The following BOC variants were observed in gnomAD, a reference collection of about 807,000 sequenced individuals.
BOC encodes the protein BOC cell adhesion associated, oncogene regulated.
A neutral mutation model predicts 112.0 loss-of-function variants in BOC; 76 were observed. The ratio of observed to expected loss-of-function variants is 0.68; its 90% CI spans 0.56 to 0.82. BOC has a LOEUF of 0.82. Ranked by LOEUF, BOC falls within the 40% of genes least tolerant of loss-of-function variation. The pLI is 0.00. For missense variants in BOC, 1,309 were observed against 1,511.7 expected, an observed-to-expected ratio of 0.87 and a Z score of 2.22; for synonymous variants, 580 against 599.8, an observed-to-expected ratio of 0.97 and a Z score of 0.48.
At chr3:113,217,500 C>T (rs1432174407) in intron 2 of BOC, among the ~76,000 whole-genome samples, 2 of 149,680 alleles carry the variant, frequency 1.3e-5, no homozygotes, top group Non-Finnish European at 3.0e-5. Flanking sequence ...GCACTCCAGC[C>T]TGGGTGACAG....
intron 7 of BOC, 144 bp from the exon 8 acceptor site, chr3:113,272,925 C>T (rs1031142654): frequency 1.2e-5 from 14 of 1,134,706 alleles, no homozygotes; most frequent in Middle Eastern, 3.0e-4. Context: ...AGACATCAGA[C>T]CTCTCCTTCC....
intron 14 of BOC, 84 bp downstream of exon 14, chr3:113,280,747 G>A (rs1287470355): frequency 1.7e-6 from 2 of 1,194,580 alleles, no homozygotes; most frequent in East Asian, 4.7e-5. Flanking sequence ...GTGAAATCTG[G>A]TGAAGCATAA....
intron 1 of BOC, among the ~76,000 whole-genome samples, chr3:113,214,437 G>C (rs571970785): frequency 1.3e-5 from 2 of 152,184 alleles, no homozygotes; most frequent in Non-Finnish European, 2.9e-5. Flanking sequence ...ATAGTGTTCC[G>C]TGTCCCCTAG....
Position 113,274,113 on chromosome 3 carries a change from G to T in BOC, c.1235-262G>T, listed in dbSNP as rs562165716. Reference sequence around the variant, plus strand: ...GTTCACTGGAGATGCACCTCACGTGGATTCAGGAGTTTGCTTGCCATACCC... The same window carrying T: ...GTTCACTGGAGATGCACCTCACGTGTATTCAGGAGTTTGCTTGCCATACCC... On this transcript the variant is annotated intron_variant, in intron 8 of 19. Coordinates refer to ENST00000682979, the MANE Select transcript of BOC (RefSeq NM_001378074.1). This position sits in a 1 kb window ranked among gnomAD's most constrained non-coding sequence, Gnocchi z 4.8. Among the ~76,000 whole-genome samples, 1 of 152,294 alleles carries T rather than the reference G, an allele frequency of 6.6e-6. No homozygotes were observed. The highest frequency in any genetic ancestry group is 2.1e-4 in the South Asian group (1 of 4,820).
Position 113,273,231 on chromosome 3 carries a change from C to T in BOC, c.1124C>T (p.Ala375Val), listed in dbSNP as rs775826071. 6.2e-7 allele frequency: 1 copy of T among 1,613,660 alleles called. No homozygotes were observed. Among genetic ancestry groups the T allele is most frequent in the Non-Finnish European group, 8.5e-7 (1 of 1,180,004 alleles). ...CAGCGCCTCCGGCTCTCCCGCAGGG[C>T]CCTGCGCGTGCTCAGCATGGGGCCT... is the stretch of plus-strand genomic sequence containing the variant. ...SSQRLRLSRR[A>V]LRVLSMGPED... The change falls in exon 8 of 20, where the codon GCC becomes GTC. Residue 375 changes from alanine (A) to valine (V), a missense_variant. Transcript: ENST00000682979.
At chr3:113,241,612 TG>T (rs1364486107) in intron 2 of BOC, among the ~76,000 whole-genome samples, 6 of 152,000 alleles carry the variant, frequency 3.9e-5, no homozygotes, top group Non-Finnish European at 8.8e-5. Flanking sequence ...AGAAAGAAAG[TG>T]GGAAACAGAA....
chr3:113,229,915 C>A (rs1942331202), intron 2 of BOC, among the ~76,000 whole-genome samples: 1 of 152,182 alleles, frequency 6.6e-6, no homozygotes. Flanking sequence ...CTGCACATTA[C>A]TATTTCCAGG....
At chr3:113,283,773 G>T in intron 16 of BOC, 141 bp downstream of exon 16, 1 of 756,282 alleles carries the variant, frequency 1.3e-6, no homozygotes. Flanking sequence ...AACACCCAAC[G>T]ACTGGGCCCC....
intron 2 of BOC, among the ~76,000 whole-genome samples, chr3:113,233,148 GGTGTGTGTGTGTGTGTGT>G (rs59444901): frequency 1.5e-4 from 18 of 124,028 alleles, no homozygotes; most frequent in African/African-American, 4.6e-4. Flanking sequence ...AAAGGATTGG[GGTGTGTGTGTGTGTGTGT>G]GTGTGTGTGT....
At chr3:113,260,959 C>T (rs1310799864) in intron 4 of BOC, among the ~76,000 whole-genome samples, 1 of 152,140 alleles carries the variant, frequency 6.6e-6, no homozygotes, top group East Asian at 1.9e-4. Flanking sequence ...CCATGAAACC[C>T]GTCCCTGATG....
intron 2 of BOC, among the ~76,000 whole-genome samples, chr3:113,232,035 C>G (rs948841131): frequency 3.9e-5 from 6 of 152,172 alleles, no homozygotes; most frequent in Non-Finnish European, 8.8e-5. Flanking sequence ...CTGGGAATGG[C>G]AGAACCTCAG....
intron 2 of BOC, among the ~76,000 whole-genome samples, chr3:113,226,263 T>C (rs1941644840): frequency 6.6e-6 from 1 of 152,138 alleles, no homozygotes; most frequent in Non-Finnish European, 1.5e-5. Context: ...CTCCCAGTGG[T>C]GTGGTCTTCA....
At chr3:113,228,402 G>A (rs1216446130) in intron 2 of BOC, among the ~76,000 whole-genome samples, 1 of 152,092 alleles carries the variant, frequency 6.6e-6, no homozygotes, top group Non-Finnish European at 1.5e-5. Flanking sequence ...TCAGCAAGGA[G>A]GAATAGGAGA....
intron 19 of BOC, 80 bp from the exon 20 acceptor site, chr3:113,286,595 T>TA (rs1203115997): frequency 8.1e-7 from 1 of 1,239,822 alleles, no homozygotes; most frequent in Admixed American, 2.7e-5. Context: ...CCACCACAGA[T>TA]AGAGATTGGC....
intron 2 of BOC, among the ~76,000 whole-genome samples, chr3:113,239,396 G>T (rs529503311): frequency 2.0e-5 from 3 of 152,320 alleles, no homozygotes; most frequent in East Asian, 1.9e-4. Flanking sequence ...AAATCTTTTC[G>T]TGGCTTTAGG....
At chr3:113,284,619 G>T in intron 17 of BOC, 52 bp downstream of exon 17, 1 of 1,570,854 alleles carries the variant, frequency 6.4e-7, no homozygotes, top group Non-Finnish European at 8.7e-7. Context: ...AGGAGGGAGT[G>T]GCTGGGCTGC....
intron 4 of BOC, chr3:113,251,073 G>GA: frequency 1.6e-6 from 1 of 613,168 alleles, no homozygotes; most frequent in Non-Finnish European, 2.9e-6. Context: ...ACAGAGAGGG[G>GA]AATTGGTCAG....
In BOC at chr3:113,279,422, C is replaced by T. The variant is rs138303143; in HGVS notation, c.1990C>T (p.Arg664Trp). ...ILATSAIPPS[R>W]LSVEITGLEK... ...GGCCACCAGCGCCATCCCCCCATCG[C>T]GGCTGTCCGTGGAGATCACGGGCCT... Residue 664 changes from arginine (R) to tryptophan (W), a missense_variant, in exon 12 of 20, where the codon CGG (arginine) becomes TGG (tryptophan). Coordinates refer to ENST00000682979, the MANE Select transcript of BOC (RefSeq NM_001378074.1). 2.2e-5 allele frequency: 35 copies of T among 1,614,022 alleles called. No individual in the cohort carries two copies. Among genetic ancestry groups the T allele is most frequent in the Non-Finnish European group, 2.6e-5 (31 of 1,180,020 alleles).
intron 2 of BOC, among the ~76,000 whole-genome samples, chr3:113,221,420 C>T (rs569760612): frequency 2.5e-4 from 38 of 152,208 alleles, no homozygotes; most frequent in Admixed American, 5.2e-4. Context: ...GTGCACCGTT[C>T]GATGCCAGTC....
Sources: allele counts gnomAD v4.1 joint callset (sites outside exome capture counted in the v4.1 genomes callset), GRCh38; gene constraint gnomAD v4.1.1; non-coding constraint Gnocchi (gnomAD v3.1); transcripts MANE v1.5; gene names NCBI Gene and HGNC (gene_info 2026-07-23, HGNC 2026-07-21).